The following CSMD2 variants were observed in gnomAD, a reference collection of about 807,000 sequenced individuals.
The protein encoded by CSMD2 is CUB and Sushi multiple domains 2.
In CSMD2, 130 loss-of-function variants were observed where a neutral mutation model predicts 398.5. The ratio of observed to expected loss-of-function variants is 0.33; its 90% CI spans 0.28 to 0.38. The LOEUF is 0.38. CSMD2 is among the 10% of genes least tolerant of loss of function. CSMD2 has a pLI of 1.00. For synonymous variants in CSMD2, 1,828 were observed against 1,908.5 expected, an observed-to-expected ratio of 0.96 and a Z score of 1.10; for missense variants, 3,829 against 4,764.9, an observed-to-expected ratio of 0.80 and a Z score of 5.78.
At chr1:34,096,943 C>T (rs1387967867) in intron 1 of CSMD2, among the ~76,000 whole-genome samples, 4,184 of 149,196 alleles carry the variant, frequency 0.028, 164 homozygotes, top group African/African-American at 0.099. Context: ...AAAAAGAGCC[C>T]GCATCGCCAA....
intron 3 of CSMD2, among the ~76,000 whole-genome samples, chr1:34,032,215 A>G (rs1333299526): frequency 6.6e-6 from 1 of 152,060 alleles, no homozygotes; most frequent in Non-Finnish European, 1.5e-5. Flanking sequence ...TGCTTATTTT[A>G]TTTCTTTTAC....
intron 5 of CSMD2, among the ~76,000 whole-genome samples, chr1:33,866,365 G>A (rs902830304): frequency 1.3e-5 from 2 of 152,212 alleles, no homozygotes; most frequent in Non-Finnish European, 1.5e-5. Flanking sequence ...GATGATGAAA[G>A]TGAATGCAGA....
At chr1:33,639,992 C>T (rs936847748) in intron 29 of CSMD2, among the ~76,000 whole-genome samples, 1 of 152,176 alleles carries the variant, frequency 6.6e-6, no homozygotes, top group Non-Finnish European at 1.5e-5. Flanking sequence ...TCTTCCAAGC[C>T]TTTCAGCTAT....
intron 4 of CSMD2, among the ~76,000 whole-genome samples, chr1:33,932,809 G>A (rs1558124353): frequency 1.3e-5 from 2 of 152,176 alleles, no homozygotes; most frequent in African/African-American, 2.4e-5. Flanking sequence ...TAAATAGCTT[G>A]GAGGAGGAGG....
intron 1 of CSMD2, among the ~76,000 whole-genome samples, chr1:34,144,185 G>T (rs771146): frequency 0.94 from 143,642 of 152,200 alleles, 67,979 homozygotes; most frequent in Non-Finnish European, 0.98. Context: ...TCCTCTTGAT[G>T]GGGTGGGACA....
In CSMD2 at chr1:33,537,407, G is replaced by GA. The variant is rs748405055; in HGVS notation, c.9805+28dup. The GA allele has an allele frequency of 2.5e-6, 4 of 1,588,406 alleles. No homozygotes were observed. The highest frequency in any genetic ancestry group is 3.4e-6 in the Non-Finnish European group (4 of 1,166,074). ...GAAGGTCTCCCGCAACCCCAGCCAA[G>GA]ACGCTCCCTGCTCCAGATGACCTCT... is the stretch of plus-strand genomic sequence containing the variant. On this transcript the variant is annotated intron_variant, in intron 61 of 70. Transcript: ENST00000373381. This position sits in a 1 kb window ranked among gnomAD's most constrained non-coding sequence, Gnocchi z 4.6.
intron 10 of CSMD2, among the ~76,000 whole-genome samples, chr1:33,793,485 T>C (rs991754381): frequency 6.6e-6 from 1 of 152,184 alleles, no homozygotes; most frequent in African/African-American, 2.4e-5. Flanking sequence ...ATAATGTGAC[T>C]GGGCCTTCAG....
At chr1:34,153,863 T>C (rs60054233) in intron 1 of CSMD2, among the ~76,000 whole-genome samples, 38,316 of 152,056 alleles carry the variant, frequency 0.25, 5,508 homozygotes, top group South Asian at 0.39. Context: ...CTATCTCAAT[T>C]TCTACCTCCC....
chr1:33,756,411 A>T (rs750934617), intron 13 of CSMD2, among the ~76,000 whole-genome samples: 2 of 152,196 alleles, frequency 1.3e-5, no homozygotes, highest in Non-Finnish European at 2.9e-5. Flanking sequence ...TGAAGTTTAC[A>T]TTCTAAGAGG....
At chr1:33,571,384 T>G (rs1262288367) in intron 51 of CSMD2, 148 bp downstream of exon 51, 2 of 493,470 alleles carry the variant, frequency 4.1e-6, no homozygotes, top group East Asian at 6.9e-5. Flanking sequence ...TCCCAGCTCC[T>G]GATTCTACTA....
chr1:33,799,615 T>C (rs761490386), intron 10 of CSMD2, among the ~76,000 whole-genome samples: 3 of 152,230 alleles, frequency 2.0e-5, no homozygotes, highest in Non-Finnish European at 4.4e-5. Context: ...GACAGAGCTC[T>C]GGGCAAGGAA....
intron 25 of CSMD2, among the ~76,000 whole-genome samples, chr1:33,687,371 T>C (rs1252539195): frequency 6.6e-6 from 1 of 152,136 alleles, no homozygotes; most frequent in Non-Finnish European, 1.5e-5. Context: ...AAAATTAGTT[T>C]CCTTGAAATA....
intron 5 of CSMD2, chr1:33,869,235 G>GATT (rs1196853564): frequency 6.6e-6 from 1 of 152,188 alleles, no homozygotes; most frequent in Non-Finnish European, 1.5e-5. Context: ...CCAACAAGGG[G>GATT]ATTACCCCTC....
intron 1 of CSMD2, among the ~76,000 whole-genome samples, chr1:34,130,993 T>C (rs1663286198): frequency 6.6e-6 from 1 of 152,166 alleles, no homozygotes; most frequent in Admixed American, 6.5e-5. Context: ...ATAGAGCATA[T>C]AGTAGGTGTT....
At chr1:33,618,348 C>T (rs1641534516) in intron 37 of CSMD2, among the ~76,000 whole-genome samples, 1 of 152,078 alleles carries the variant, frequency 6.6e-6, no homozygotes, top group Admixed American at 6.5e-5. Flanking sequence ...CACTCACAGG[C>T]AACTCGTGTT....
chr1:33,830,263 G>A (rs1238303654), intron 6 of CSMD2, among the ~76,000 whole-genome samples: 1 of 152,216 alleles, frequency 6.6e-6, no homozygotes, highest in Admixed American at 6.5e-5. Flanking sequence ...GCACCCCCCA[G>A]TAGGGGCAGA....
intron 1 of CSMD2, among the ~76,000 whole-genome samples, chr1:34,089,551 C>T (rs1448798374): frequency 1.3e-5 from 2 of 152,218 alleles, no homozygotes; most frequent in Non-Finnish European, 2.9e-5. Flanking sequence ...TTCAAACCTT[C>T]TCCATTGTCT....
intron 12 of CSMD2, among the ~76,000 whole-genome samples, chr1:33,777,357 G>A (rs1652134922): frequency 6.6e-6 from 1 of 152,196 alleles, no homozygotes; most frequent in African/African-American, 2.4e-5. Context: ...GGAAGGCAGA[G>A]GGGGCTGCTG....
intron 22 of CSMD2, among the ~76,000 whole-genome samples, chr1:33,707,991 A>G (rs1435558737): frequency 1.3e-5 from 2 of 152,222 alleles, no homozygotes; most frequent in Admixed American, 6.5e-5. Flanking sequence ...TAGAATGAAA[A>G]TGAACATGCT....
Sources: allele counts gnomAD v4.1 joint callset (sites outside exome capture counted in the v4.1 genomes callset), GRCh38; gene constraint gnomAD v4.1.1; non-coding constraint Gnocchi (gnomAD v3.1); transcripts MANE v1.5; gene names NCBI Gene and HGNC (gene_info 2026-07-23, HGNC 2026-07-21).